Variants in FRMD6 observed in about 807,000 individuals in gnomAD.
The protein encoded by FRMD6 is FERM domain containing 6.
In FRMD6, 37 loss-of-function variants were observed where a neutral mutation model predicts 73.2. The observed-to-expected ratio is 0.51, with a 90% CI of 0.39 to 0.66. FRMD6 has a LOEUF of 0.66. Among genes scored for constraint, FRMD6 ranks in the 30% least tolerant of loss-of-function variants. The probability of loss-of-function intolerance (pLI) is 0.00; values close to 1 mark genes in which losing one functional copy is unlikely to be tolerated. For synonymous variants in FRMD6, 273 were observed against 282.2 expected (o/e 0.97, Z 0.33); for missense variants, 714 against 780.5 (o/e 0.91, Z 1.02).
chr14:51,477,710 T>TTTTC, the FRMD6 span, among the ~76,000 whole-genome samples: 2 of 146,178 alleles, frequency 1.4e-5, no homozygotes, highest in Admixed American at 7.0e-5. Context: ...TTTCTTTTTC[T>TTTTC]TTTCTTTCTT....
At chr14:51,539,390 C>T (rs1886082014) in intron 1 of FRMD6, among the ~76,000 whole-genome samples, 5 of 152,110 alleles carry the variant, frequency 3.3e-5, no homozygotes, top group Admixed American at 2.0e-4. Context: ...TGTCTATTTC[C>T]CCAGCAGACA....
chr14:51,419,996 CCCTCGTT>C, the FRMD6 span, among the ~76,000 whole-genome samples: 2 of 133,384 alleles, frequency 1.5e-5, no homozygotes, highest in Non-Finnish European at 3.5e-5. Context: ...TGACTTCCTG[CCCTCGTT>C]AGGTGTAGTC....
intron 2 of FRMD6, among the ~76,000 whole-genome samples, chr14:51,634,806 A>T (rs1891484148): frequency 6.6e-6 from 1 of 152,200 alleles, no homozygotes; most frequent in South Asian, 2.1e-4. Context: ...ACCCTGGTAA[A>T]GCCACATAAC....
intron 1 of FRMD6, among the ~76,000 whole-genome samples, chr14:51,553,722 T>G (rs1023046155): frequency 6.6e-6 from 1 of 152,174 alleles, no homozygotes; most frequent in Non-Finnish European, 1.5e-5. Flanking sequence ...AAGGAGTTCA[T>G]TTTTCTGGTG....
intron 2 of FRMD6, among the ~76,000 whole-genome samples, chr14:51,573,441 G>A (rs1596632444): frequency 3.3e-5 from 5 of 152,280 alleles, no homozygotes; most frequent in Admixed American, 3.3e-4. Flanking sequence ...AGGGACAGAG[G>A]AAATGTCTTA....
chr14:51,712,037 A>G (rs556160860), intron 8 of FRMD6, among the ~76,000 whole-genome samples: 1 of 152,314 alleles, frequency 6.6e-6, no homozygotes, highest in South Asian at 2.1e-4. Flanking sequence ...CCCTTAAATA[A>G]GTAGAAACTG....
Position 51,720,841 on chromosome 14 carries a change from T to C in FRMD6, c.1360+451T>C, listed in dbSNP as rs980003314. ...TAATGTTTTTCTGAAGCGCCTCCCA[T>C]GTAACCAGAACTATAGGGAGGATAA... On this transcript the variant is annotated intron_variant, in intron 11 of 13. Coordinates refer to ENST00000344768, the MANE Select transcript of FRMD6 (RefSeq NM_001267046.2). Among the ~76,000 whole-genome samples, 3 of 152,168 alleles carry C rather than the reference T, an allele frequency of 2.0e-5. No individual in the cohort carries two copies. In the South Asian group the frequency reaches 6.2e-4, roughly 32 times the overall value.
chr14:51,480,334 G>A, the FRMD6 span, among the ~76,000 whole-genome samples: 9 of 152,184 alleles, frequency 5.9e-5, no homozygotes, highest in Non-Finnish European at 1.3e-4. Context: ...TGAAGTCACT[G>A]CAAATCTGAG....
At chr14:51,478,155 T>C in the FRMD6 span, among the ~76,000 whole-genome samples, 1 of 152,250 alleles carries the variant, frequency 6.6e-6, no homozygotes, top group Non-Finnish European at 1.5e-5. Context: ...TTCAACAGCA[T>C]GCTTTTCAAG....
chr14:51,636,389 G>A (rs1891562845), intron 2 of FRMD6, among the ~76,000 whole-genome samples: 1 of 152,196 alleles, frequency 6.6e-6, no homozygotes, highest in African/African-American at 2.4e-5. Context: ...CCTTTGTGAG[G>A]AAAGCTGGTG....
At chr14:51,523,530 C>G (rs1885062500) in intron 1 of FRMD6, among the ~76,000 whole-genome samples, 1 of 152,180 alleles carries the variant, frequency 6.6e-6, no homozygotes, top group Admixed American at 6.5e-5. Flanking sequence ...GCAAGTGATG[C>G]CTTGCCATCT....
At chr14:51,646,918 A>G (rs1289287451), upstream of FRMD6, among the ~76,000 whole-genome samples, 1 of 151,658 alleles carries the variant, frequency 6.6e-6, no homozygotes, top group East Asian at 1.9e-4. Flanking sequence ...CTCTCTCTAC[A>G]TTGTGCAACA....
chr14:51,648,377 C>T (rs1463640642), upstream of FRMD6, among the ~76,000 whole-genome samples: 4 of 152,286 alleles, frequency 2.6e-5, no homozygotes, highest in South Asian at 2.1e-4. Flanking sequence ...TGTGCTTGTT[C>T]ACTCTGTGTC....
chr14:51,397,063 C>T, the FRMD6 span: 1 of 152,344 alleles, frequency 6.6e-6, no homozygotes, highest in Non-Finnish European at 1.5e-5. Context: ...CAGGGAAGAT[C>T]TGTTCCTTGA....
At chr14:51,543,508 T>C (rs1246314474) in intron 1 of FRMD6, among the ~76,000 whole-genome samples, 1 of 152,056 alleles carries the variant, frequency 6.6e-6, no homozygotes, top group African/African-American at 2.4e-5. Context: ...CTGTTTGCAT[T>C]TCACATTTAC....
At chr14:51,445,054 C>A in the FRMD6 span, among the ~76,000 whole-genome samples, 2 of 152,108 alleles carry the variant, frequency 1.3e-5, no homozygotes, top group African/African-American at 4.8e-5. Flanking sequence ...GTTCAATGGA[C>A]CCAGGAAGAA....
upstream of FRMD6, among the ~76,000 whole-genome samples, chr14:51,484,807 C>T (rs1156811267): frequency 6.6e-6 from 1 of 152,172 alleles, no homozygotes; most frequent in Non-Finnish European, 1.5e-5. Context: ...TCACATCTCC[C>T]ACTTCCTATC....
chr14:51,661,276 G>A (rs28578287), intron 1 of FRMD6, among the ~76,000 whole-genome samples: 20,714 of 152,124 alleles, frequency 0.14, 1,527 homozygotes, highest in African/African-American at 0.16. Context: ...GGGCATATCA[G>A]TATTTACAGT....
intron 1 of FRMD6, among the ~76,000 whole-genome samples, chr14:51,518,895 C>T (rs900787614): frequency 6.6e-6 from 1 of 152,136 alleles, no homozygotes; most frequent in Non-Finnish European, 1.5e-5. Context: ...AATAAAACAG[C>T]CAACAGCTTC....
Sources: gnomAD v4.1 joint callset for allele counts (sites outside exome capture counted in the v4.1 genomes callset) on GRCh38, gnomAD v4.1.1 for gene constraint, MANE v1.5 for transcripts, NCBI Gene and HGNC (gene_info 2026-07-23, HGNC 2026-07-21) for gene names.